RUNX1T1: variants seen among roughly 807,000 people sequenced by gnomAD.
RUNX1T1 encodes the protein protein CBFA2T1.
In RUNX1T1, 4 loss-of-function variants were observed where a neutral mutation model predicts 62.8. That is an observed-to-expected ratio of 0.06 (90% CI 0.03 to 0.15). RUNX1T1 has a LOEUF of 0.15. RUNX1T1 is among the 10% of genes least tolerant of loss of function. The pLI is 1.00. For missense variants in RUNX1T1, 508 were observed against 754.3 expected, an observed-to-expected ratio of 0.67 and a Z score of 3.82; for synonymous variants, 291 against 286.0, an observed-to-expected ratio of 1.02 and a Z score of -0.18.
At chr8:92,077,417 T>C (rs1204510414) in intron 1 of RUNX1T1, among the ~76,000 whole-genome samples, 1 of 151,982 alleles carries the variant, frequency 6.6e-6, no homozygotes, top group Non-Finnish European at 1.5e-5. Flanking sequence ...GTATAGGTTG[T>C]GTAAGTACTC....
rs573484470 is a variant in RUNX1T1, at chr8:91,982,822, T to C, written c.1198+3302A>G. ...GTCAACTTGCATTTTATTTAAAGAA[T>C]AGAAATACCATTATGAATTCAGTGT... On this transcript the variant is annotated intron_variant, in intron 8 of 10. Coordinates refer to ENST00000396218, the Ensembl canonical transcript of RUNX1T1. Among the ~76,000 whole-genome samples, 34 of 151,304 alleles carry C rather than the reference T, an allele frequency of 2.2e-4. 1 individual carries two copies. The South Asian group carries it at 5.0e-3, about 22-fold the overall frequency.
At chr8:92,039,576 T>G (rs986859460) in intron 1 of RUNX1T1, among the ~76,000 whole-genome samples, 1 of 152,192 alleles carries the variant, frequency 6.6e-6, no homozygotes, top group Non-Finnish European at 1.5e-5. Context: ...CAAATGATGA[T>G]TTTTCACTGT....
At chr8:92,060,194 A>C (rs1008392442) in intron 1 of RUNX1T1, among the ~76,000 whole-genome samples, 18 of 152,100 alleles carry the variant, frequency 1.2e-4, no homozygotes, top group Non-Finnish European at 2.4e-4. Flanking sequence ...TAGTAAAATG[A>C]TATTTCTTTA....
chr8:92,081,311 C>T, intron 1 of RUNX1T1: 2 of 844,210 alleles, frequency 2.4e-6, no homozygotes, highest in Non-Finnish European at 2.9e-6. Context: ...AGAGGTAGTA[C>T]CTATTTTAAT....
chr8:91,987,021 C>T (rs747143348), intron 6 of RUNX1T1, 49 bp from the exon 8 acceptor site: 2 of 1,186,776 alleles, frequency 1.7e-6, no homozygotes, highest in Non-Finnish European at 2.5e-6. Context: ...CAGTACACAA[C>T]CCATAAACAC....
At chr8:92,069,168 A>AAATG (rs1057267853) in intron 2 of RUNX1T1, among the ~76,000 whole-genome samples, 4 of 151,990 alleles carry the variant, frequency 2.6e-5, no homozygotes, top group African/African-American at 9.7e-5. Context: ...AAATCTTCTA[A>AAATG]AATGAGCATG....
intron 10 of RUNX1T1, among the ~76,000 whole-genome samples, chr8:91,962,922 T>C (rs1289612527): frequency 6.6e-6 from 1 of 152,202 alleles, no homozygotes; most frequent in Non-Finnish European, 1.5e-5. Flanking sequence ...AACTGTCCAA[T>C]ACTCAATGGC....
chr8:91,971,821 G>T (rs946931802), intron 9 of RUNX1T1, among the ~76,000 whole-genome samples: 7 of 151,936 alleles, frequency 4.6e-5, no homozygotes, highest in Non-Finnish European at 2.9e-5. Flanking sequence ...CTGAGGAAAG[G>T]GTGCAAAGAT....
At chr8:92,076,234 TTA>T in intron 1 of RUNX1T1, 97 bp from the exon 2 acceptor site, 3 of 938,178 alleles carry the variant, frequency 3.2e-6, no homozygotes, top group South Asian at 4.3e-5. Flanking sequence ...GCCAGTTTTG[TTA>T]TGTTTTGTTT....
At chr8:92,076,933 T>C (rs1022062651) in intron 1 of RUNX1T1, among the ~76,000 whole-genome samples, 9 of 152,016 alleles carry the variant, frequency 5.9e-5, no homozygotes, top group Non-Finnish European at 1.0e-4. Context: ...CTAGGAAATA[T>C]AAGGGTCCAG....
chr8:92,080,297 T>G (rs138424946), intron 1 of RUNX1T1, among the ~76,000 whole-genome samples: 1 of 152,366 alleles, frequency 6.6e-6, no homozygotes, highest in East Asian at 1.9e-4. Flanking sequence ...TGACCTGTGA[T>G]CTTTTTCTCT....
At chr8:92,081,631 T>C (rs1421167927) in intron 1 of RUNX1T1, among the ~76,000 whole-genome samples, 2 of 151,686 alleles carry the variant, frequency 1.3e-5, no homozygotes, top group Non-Finnish European at 2.9e-5. Context: ...AAAGACTGTT[T>C]TCTCCAAATA....
intron 1 of RUNX1T1, among the ~76,000 whole-genome samples, chr8:92,033,297 C>T (rs927723464): frequency 6.6e-6 from 1 of 152,156 alleles, no homozygotes; most frequent in Non-Finnish European, 1.5e-5. Flanking sequence ...AAATATACTA[C>T]TACCACATGG....
At chr8:92,085,429 T>C (rs1286964719) in intron 1 of RUNX1T1, among the ~76,000 whole-genome samples, 1 of 152,260 alleles carries the variant, frequency 6.6e-6, no homozygotes, top group Non-Finnish European at 1.5e-5. Flanking sequence ...CACAGCATTC[T>C]ACAGACATTC....
intron 8 of RUNX1T1, among the ~76,000 whole-genome samples, chr8:91,984,335 G>A (rs575730244): frequency 3.9e-5 from 6 of 152,060 alleles, no homozygotes; most frequent in South Asian, 2.1e-4. Flanking sequence ...CTGATAACTC[G>A]CTTAGGTATG....
At chr8:91,993,365 G>A (rs1389864781) in intron 5 of RUNX1T1, among the ~76,000 whole-genome samples, 1 of 152,060 alleles carries the variant, frequency 6.6e-6, no homozygotes, top group Non-Finnish European at 1.5e-5. Flanking sequence ...AAGAATAAAG[G>A]ACTTAGAGAC....
intron 10 of RUNX1T1, among the ~76,000 whole-genome samples, chr8:91,968,834 G>A (rs1161582872): frequency 6.6e-6 from 1 of 152,134 alleles, no homozygotes; most frequent in Non-Finnish European, 1.5e-5. Flanking sequence ...CATGACTCAA[G>A]GTTCAAGCCA....
intron 6 of RUNX1T1, among the ~76,000 whole-genome samples, chr8:91,989,130 T>A: frequency 6.6e-6 from 1 of 152,186 alleles, no homozygotes; most frequent in East Asian, 1.9e-4. Flanking sequence ...ATATTTTAAC[T>A]AACTAGGATA....
chr8:91,957,244 G>A (rs1809531932), downstream of RUNX1T1: 1 of 222,642 alleles, frequency 4.5e-6, no homozygotes, highest in Non-Finnish European at 9.0e-6. Flanking sequence ...CTCTTCTTTA[G>A]GTTTATGAGG....
Sources: allele counts gnomAD v4.1 joint callset (sites outside exome capture counted in the v4.1 genomes callset), GRCh38; gene constraint gnomAD v4.1.1; transcripts MANE v1.5; gene names NCBI Gene and HGNC (gene_info 2026-07-23, HGNC 2026-07-21).